PTPRO: variants seen among roughly 807,000 people sequenced by gnomAD.
PTPRO encodes the protein receptor-type tyrosine-protein phosphatase O.
PTPRO carries 62 observed loss-of-function variants against 145.2 expected under a neutral mutation model. The observed-to-expected ratio is 0.43, with a 90% CI of 0.35 to 0.53. The LOEUF is 0.53. Among genes scored for constraint, PTPRO ranks in the 20% least tolerant of loss-of-function variants. The pLI, the probability that PTPRO is intolerant of heterozygous loss-of-function variation, is 0.01. For synonymous variants in PTPRO, 565 were observed against 514.7 expected (o/e 1.10, Z -1.32); for missense variants, 1,345 against 1,482.7 (o/e 0.91, Z 1.53).
At chr12:15,376,661 C>A (rs1268310195) in intron 1 of PTPRO, among the ~76,000 whole-genome samples, 1 of 152,184 alleles carries the variant, frequency 6.6e-6, no homozygotes, top group Non-Finnish European at 1.5e-5. Flanking sequence ...AAGGTGCCAA[C>A]AGGTTCAGCA....
At chr12:15,392,679 C>G (rs1225621190) in intron 1 of PTPRO, among the ~76,000 whole-genome samples, 1 of 139,038 alleles carries the variant, frequency 7.2e-6, no homozygotes, top group Non-Finnish European at 1.5e-5. Context: ...TAAGATGGAG[C>G]CACTGCACTC....
rs1418775078 is a variant in PTPRO, at chr12:15,398,889, A to C, written c.75+76088A>C. On this transcript the variant is annotated intron_variant, in intron 1 of 26. Coordinates refer to ENST00000281171, the MANE Select transcript of PTPRO (RefSeq NM_030667.3). Reference sequence around the variant, plus strand: ...AGTTTTCTTAGTACTTTTTCTCTTTAGAGTGCGGCTCAACACTAGAAGAGC... The same window carrying C: ...AGTTTTCTTAGTACTTTTTCTCTTTCGAGTGCGGCTCAACACTAGAAGAGC... 2.6e-5 allele frequency among the ~76,000 whole-genome samples: 4 copies of C among 152,174 alleles called. No individual in the cohort carries two copies. The East Asian group carries it at 7.7e-4, about 29-fold the overall frequency.
chr12:15,480,750 G>C (rs75508438), intron 1 of PTPRO, among the ~76,000 whole-genome samples: 4 of 69,890 alleles, frequency 5.7e-5, no homozygotes, highest in East Asian at 3.5e-4. Context: ...TGGATGGATG[G>C]ATGGATGGAT....
At chr12:15,582,647 A>G (rs149003722) in intron 23 of PTPRO, among the ~76,000 whole-genome samples, 1 of 152,238 alleles carries the variant, frequency 6.6e-6, no homozygotes, top group South Asian at 2.1e-4. Context: ...TAATTGGGGT[A>G]TATAAGGCAC....
chr12:15,464,775 C>G (rs982800925), intron 1 of PTPRO, among the ~76,000 whole-genome samples: 7 of 151,988 alleles, frequency 4.6e-5, no homozygotes, highest in African/African-American at 1.7e-4. Context: ...TTCAGACCAC[C>G]AATAACAGCC....
chr12:15,491,013 G>T (rs1356123050), intron 2 of PTPRO, among the ~76,000 whole-genome samples: 1 of 152,198 alleles, frequency 6.6e-6, no homozygotes, highest in African/African-American at 2.4e-5. Context: ...CTAAGGTACT[G>T]GATGTGATGG....
At chr12:15,480,657 G>A (rs114860344) in intron 1 of PTPRO, among the ~76,000 whole-genome samples, 1 of 152,128 alleles carries the variant, frequency 6.6e-6, no homozygotes, top group Non-Finnish European at 1.5e-5. Flanking sequence ...CTGAGATTTT[G>A]TCAGAGTTTC....
intron 1 of PTPRO, among the ~76,000 whole-genome samples, chr12:15,381,573 A>AT (rs1443171195): frequency 6.6e-6 from 1 of 152,174 alleles, no homozygotes; most frequent in Non-Finnish European, 1.5e-5. Flanking sequence ...TTTAAAAAAA[A>AT]TTAAGAAGAC....
At chr12:15,480,577 G>T (rs1226581743) in intron 1 of PTPRO, among the ~76,000 whole-genome samples, 4 of 152,060 alleles carry the variant, frequency 2.6e-5, no homozygotes, top group Admixed American at 2.6e-4. Context: ...TCCTTTTCAG[G>T]ATTACCTACT....
intron 12 of PTPRO, among the ~76,000 whole-genome samples, chr12:15,528,390 TGGC>T (rs1942888400): frequency 1.3e-5 from 2 of 148,972 alleles, no homozygotes; most frequent in African/African-American, 4.9e-5. Flanking sequence ...GCCAGCATGG[TGGC>T]GGGTGCCTGT....
At position 15,483,764 on chromosome 12, in the gene PTPRO, AGATTATT is replaced by A. The variant is rs142222407; in HGVS notation, c.76-209_76-203del. Among the ~76,000 whole-genome samples, 69 of 152,272 alleles carry A rather than the reference AGATTATT, an allele frequency of 4.5e-4. No individual in the cohort carries two copies. The East Asian group carries it at 6.7e-3, about 15-fold the overall frequency. On this transcript the variant is annotated intron_variant, in intron 1 of 26. Coordinates refer to ENST00000281171, the MANE Select transcript of PTPRO (RefSeq NM_030667.3). ...AAATCCTCAAAGTAAAACCCTGAGA[AGATTATT>A]AATCCTAAGAAGGATAATCTCTTTC...
At chr12:15,416,810 A>T (rs1939993722) in intron 1 of PTPRO, among the ~76,000 whole-genome samples, 1 of 150,404 alleles carries the variant, frequency 6.6e-6, no homozygotes, top group East Asian at 1.9e-4. Flanking sequence ...AAACAACTAC[A>T]CTTGGGATCC....
intron 17 of PTPRO, 56 bp downstream of exon 17, chr12:15,560,332 A>T: frequency 7.5e-7 from 1 of 1,330,434 alleles, no homozygotes; most frequent in Middle Eastern, 1.8e-4. Context: ...AGCTTTCAAG[A>T]AGTAAACAAA....
intron 1 of PTPRO, among the ~76,000 whole-genome samples, chr12:15,341,238 CTTTTTTA>C (rs1866972643): frequency 1.3e-5 from 2 of 151,850 alleles, no homozygotes; most frequent in Admixed American, 6.6e-5. Context: ...GTTATTTTTC[CTTTTTTA>C]TTTTTTAGTT....
In PTPRO at chr12:15,351,660, T is replaced by A. The variant is rs539232266; in HGVS notation, c.75+28859T>A. Among the ~76,000 whole-genome samples, 61 of 152,322 alleles carry A rather than the reference T, an allele frequency of 4.0e-4. 1 individual carries two copies. Among genetic ancestry groups the A allele is most frequent in the Non-Finnish European group, 6.9e-4 (47 of 68,028 alleles). On this transcript the variant is annotated intron_variant, in intron 1 of 26. Transcript: ENST00000281171. ...GAAGGTAGAGGAGAAAACATTTTTA[T>A]AATATTTAAATCCCTGGATCTAGCC... is the stretch of plus-strand genomic sequence containing the variant.
At chr12:15,558,218 G>GC (rs1237695638) in intron 16 of PTPRO, among the ~76,000 whole-genome samples, 1 of 152,096 alleles carries the variant, frequency 6.6e-6, no homozygotes, top group Non-Finnish European at 1.5e-5. Flanking sequence ...ACAGGCCTGA[G>GC]CCCCCATGCC....
chr12:15,561,861 G>A (rs968527226), intron 17 of PTPRO, among the ~76,000 whole-genome samples: 6 of 152,068 alleles, frequency 3.9e-5, no homozygotes, highest in Non-Finnish European at 8.8e-5. Context: ...TCCACAGTGC[G>A]TTTTTAAGCT....
intron 1 of PTPRO, among the ~76,000 whole-genome samples, chr12:15,468,669 C>G (rs756560719): frequency 6.6e-6 from 1 of 152,110 alleles, no homozygotes; most frequent in Non-Finnish European, 1.5e-5. Context: ...AATGTATTTC[C>G]TCTCTCTCCA....
chr12:15,592,506 A>C (rs1399373357), intron 25 of PTPRO, among the ~76,000 whole-genome samples: 1 of 152,156 alleles, frequency 6.6e-6, no homozygotes, highest in Non-Finnish European at 1.5e-5. Context: ...AGGATGAGCC[A>C]TGTCTCCAGG....
Sources: allele counts gnomAD v4.1 joint callset (sites outside exome capture counted in the v4.1 genomes callset), GRCh38; gene constraint gnomAD v4.1.1; transcripts MANE v1.5; gene names NCBI Gene and HGNC (gene_info 2026-07-23, HGNC 2026-07-21).